LRRC8D: variants seen among roughly 807,000 people sequenced by gnomAD.
The protein encoded by LRRC8D is volume-regulated anion channel subunit LRRC8D.
A neutral mutation model predicts 55.8 loss-of-function variants in LRRC8D; 20 were observed. That is an observed-to-expected ratio of 0.36 (90% CI 0.25 to 0.52). The LOEUF is 0.52. Ranked by LOEUF, LRRC8D falls within the 20% of genes least tolerant of loss-of-function variation. LRRC8D has a pLI of 0.93. For missense variants in LRRC8D, 651 were observed against 1,030.8 expected, an observed-to-expected ratio of 0.63 and a Z score of 5.05; for synonymous variants, 352 against 377.0, an observed-to-expected ratio of 0.93 and a Z score of 0.77.
At chr1:89,834,742 A>G (rs1472376223) in intron 1 of LRRC8D, among the ~76,000 whole-genome samples, 1 of 152,234 alleles carries the variant, frequency 6.6e-6, no homozygotes, top group Non-Finnish European at 1.5e-5. Flanking sequence ...AATACCTTGA[A>G]TAGGGCCTTG....
chr1:89,889,405 T>C (rs1662504753), intron 2 of LRRC8D, among the ~76,000 whole-genome samples: 1 of 151,900 alleles, frequency 6.6e-6, no homozygotes, highest in Non-Finnish European at 1.5e-5. Context: ...AAAAGAACAT[T>C]AGGTAAAGAC....
chr1:89,848,699 T>G (rs1170198049), intron 2 of LRRC8D, among the ~76,000 whole-genome samples: 1 of 151,754 alleles, frequency 6.6e-6, no homozygotes, highest in East Asian at 1.9e-4. Context: ...GTTTTTTTGG[T>G]TTTTTGGGGT....
At chr1:89,847,361 G>GT (rs923283415) in intron 2 of LRRC8D, among the ~76,000 whole-genome samples, 1 of 152,180 alleles carries the variant, frequency 6.6e-6, no homozygotes, top group Non-Finnish European at 1.5e-5. Context: ...AGAGGAGAAG[G>GT]TAAAGGAGGA....
At chr1:89,931,976 T>C (rs1351708748) in intron 2 of LRRC8D, among the ~76,000 whole-genome samples, 1 of 152,196 alleles carries the variant, frequency 6.6e-6, no homozygotes, top group Non-Finnish European at 1.5e-5. Context: ...AATATGGTCA[T>C]GTGGTTTTTC....
At chr1:89,890,917 G>C (rs1370650294) in intron 2 of LRRC8D, among the ~76,000 whole-genome samples, 1 of 151,892 alleles carries the variant, frequency 6.6e-6, no homozygotes, top group African/African-American at 2.4e-5. Flanking sequence ...GAGTCTTGCT[G>C]TGTCATCACT....
chr1:89,836,609 C>G (rs555308921), intron 1 of LRRC8D, among the ~76,000 whole-genome samples: 2 of 152,170 alleles, frequency 1.3e-5, no homozygotes, highest in Non-Finnish European at 2.9e-5. Context: ...TGGAATAATA[C>G]GATCATGCTC....
At chr1:89,879,141 A>C (rs1662219003) in intron 2 of LRRC8D, among the ~76,000 whole-genome samples, 1 of 152,008 alleles carries the variant, frequency 6.6e-6, no homozygotes, top group Non-Finnish European at 1.5e-5. Context: ...CTTTTCTAGC[A>C]CTCTTATCTA....
At chr1:89,822,850 TG>T (rs1318525239) in intron 1 of LRRC8D, among the ~76,000 whole-genome samples, 1 of 152,164 alleles carries the variant, frequency 6.6e-6, no homozygotes, top group Non-Finnish European at 1.5e-5. Context: ...AGGCGAGAGT[TG>T]GGGTTCTTGC....
At chr1:89,843,464 C>A (rs1184701843) in intron 1 of LRRC8D, 174 bp from the exon 2 acceptor site, 2 of 425,980 alleles carry the variant, frequency 4.7e-6, no homozygotes, top group African/African-American at 4.1e-5. Context: ...CGGCACCACG[C>A]GGGCAGCCGG....
chr1:89,851,156 G>A (rs1293620313), intron 2 of LRRC8D, among the ~76,000 whole-genome samples: 1 of 151,472 alleles, frequency 6.6e-6, no homozygotes, highest in Non-Finnish European at 1.5e-5. Flanking sequence ...GCAGTGGTGT[G>A]TCACTGCAAA....
At chr1:89,918,390 A>C (rs1663327732) in intron 2 of LRRC8D, among the ~76,000 whole-genome samples, 1 of 152,232 alleles carries the variant, frequency 6.6e-6, no homozygotes, top group Non-Finnish European at 1.5e-5. Flanking sequence ...CACTAACTGC[A>C]GAGTTACTCT....
chr1:89,846,094 A>G (rs547186925), intron 2 of LRRC8D, among the ~76,000 whole-genome samples: 27 of 152,170 alleles, frequency 1.8e-4, no homozygotes, highest in Non-Finnish European at 2.9e-4. Context: ...CTCTACTTTT[A>G]TACCTATGTG....
In LRRC8D at chr1:89,843,693, CTCCTGT is replaced by C; in HGVS notation, c.-91_-86del. ...GGGTCTCAGGATGGAGGAGTGAAGT[CTCCTGT>C]CGCCGTGGTTCCAGCCTCCGGAGCT... On this transcript the variant is annotated 5_prime_UTR_variant, in exon 2 of 3. Transcript: ENST00000337338. 1 of 702,124 alleles carries C rather than the reference CTCCTGT, an allele frequency of 1.4e-6. No homozygotes were observed. The highest frequency in any genetic ancestry group is 2.6e-6 in the Non-Finnish European group (1 of 384,760). 43.5% of individuals were successfully genotyped at this position (702,124 alleles called of 1,614,324 possible). A position where few individuals can be genotyped will look rare whatever the true frequency, so the allele number is the denominator to read the frequency against.
Position 89,935,009 on chromosome 1 carries a change from A to G in LRRC8D, c.1941A>G (p.Leu647=), listed in dbSNP as rs1224237934. 2 of 1,614,210 alleles carry G rather than the reference A, an allele frequency of 1.2e-6. No homozygotes were observed. The highest frequency in any genetic ancestry group is 1.7e-6 in the Non-Finnish European group (2 of 1,180,034). ...VAELELQNCE[L]ERIPHAIFSL... ...AGCTGGAACTCCAGAACTGTGAGCTAGAGAGAATCCCACATGCTATTTTCA... is the reference window on the plus strand; with the variant it reads ...AGCTGGAACTCCAGAACTGTGAGCTGGAGAGAATCCCACATGCTATTTTCA... Residue 647 remains leucine, a synonymous_variant, in exon 3 of 3, where the codon CTA becomes CTG. Coordinates refer to ENST00000337338, the MANE Select transcript of LRRC8D (RefSeq NM_001134479.2).
intron 2 of LRRC8D, among the ~76,000 whole-genome samples, chr1:89,900,959 A>G (rs908822508): frequency 3.3e-5 from 5 of 152,212 alleles, no homozygotes; most frequent in Admixed American, 1.3e-4. Flanking sequence ...TCAGGGGTGC[A>G]TAATTCTTGT....
In LRRC8D at chr1:89,875,324, T is replaced by C. The variant is rs561765733; in HGVS notation, c.-3+31542T>C. On this transcript the variant is annotated intron_variant, in intron 2 of 2. Transcript: ENST00000337338. ...GGTCTTTACAAAATATCATAATAGG[T>C]GTCCATTAAATGTTCTTCATTCACT... Among the ~76,000 whole-genome samples the C allele has an allele frequency of 1.2e-3, 189 of 152,328 alleles. 2 individuals are homozygous for C. Among genetic ancestry groups the C allele is most frequent in the African/African-American group, 4.3e-3 (178 of 41,578 alleles).
In LRRC8D at chr1:89,871,554, A is replaced by C. The variant is rs373975919; in HGVS notation, c.-3+27772A>C. ...ATTCTTAAACTATTTGCATTTACAT[A>C]TGGTATAATTACTCTTAGGTCTCTG... On this transcript the variant is annotated intron_variant, in intron 2 of 2. Transcript: ENST00000337338. Among the ~76,000 whole-genome samples the C allele has an allele frequency of 1.1e-4, 16 of 152,338 alleles. 1 individual carries two copies. The highest frequency in any genetic ancestry group is 3.9e-4 in the Admixed American group (6 of 15,300).
intron 2 of LRRC8D, among the ~76,000 whole-genome samples, chr1:89,860,785 A>AAAAAAAAATATAT (rs1553123917): frequency 3.5e-4 from 10 of 28,190 alleles, no homozygotes; most frequent in Admixed American, 6.8e-4. Flanking sequence ...AAAAAAAAAA[A>AAAAAAAAATATAT]ATATATATAT....
chr1:89,909,271 T>C (rs1663073052), intron 2 of LRRC8D, among the ~76,000 whole-genome samples: 1 of 152,036 alleles, frequency 6.6e-6, no homozygotes, highest in Admixed American at 6.5e-5. Flanking sequence ...GTCTGGTTTT[T>C]CTTCTGCTTG....
Sources: gnomAD v4.1 joint callset for allele counts (sites outside exome capture counted in the v4.1 genomes callset) on GRCh38, gnomAD v4.1.1 for gene constraint, MANE v1.5 for transcripts, NCBI Gene and HGNC (gene_info 2026-07-23, HGNC 2026-07-21) for gene names.